The following CHL1 variants were observed in gnomAD, a reference collection of about 807,000 sequenced individuals.
CHL1 encodes the protein cell adhesion molecule L1 like, also known as neural cell adhesion molecule L1-like protein.
A neutral mutation model predicts 141.9 loss-of-function variants in CHL1; 96 were observed. That is an observed-to-expected ratio of 0.68 (90% CI 0.57 to 0.80). CHL1 has a LOEUF of 0.80. Among genes scored for constraint, CHL1 ranks in the 30% least tolerant of loss-of-function variants. CHL1 has a pLI of 0.00. For missense variants in CHL1, 1,820 were observed against 1,457.2 expected, an observed-to-expected ratio of 1.25 and a Z score of -4.05; for synonymous variants, 613 against 502.2, an observed-to-expected ratio of 1.22 and a Z score of -2.95.
At chr3:382,980 T>C (rs768419400) in intron 18 of CHL1, among the ~76,000 whole-genome samples, 41 of 152,200 alleles carry the variant, frequency 2.7e-4, no homozygotes, top group Admixed American at 1.3e-4. Context: ...TAAAATTCAA[T>C]ATGTATGCAT....
At chr3:253,599 T>C (rs1693904051) in intron 2 of CHL1, among the ~76,000 whole-genome samples, 1 of 152,208 alleles carries the variant, frequency 6.6e-6, no homozygotes, top group Non-Finnish European at 1.5e-5. Flanking sequence ...TAATACAACA[T>C]CTTAAAGACA....
intron 24 of CHL1, 129 bp from the exon 25 acceptor site, chr3:398,098 G>A (rs1245538182): frequency 6.1e-6 from 3 of 495,754 alleles, no homozygotes; most frequent in Non-Finnish European, 1.0e-5. Flanking sequence ...TGATCTCCTG[G>A]TAATTCAAAA....
intron 2 of CHL1, among the ~76,000 whole-genome samples, chr3:246,391 A>G (rs905815372): frequency 6.6e-6 from 1 of 152,112 alleles, no homozygotes; most frequent in Middle Eastern, 3.4e-3. Flanking sequence ...CCTCTTGGTG[A>G]TTGATGAAAT....
intron 15 of CHL1, chr3:373,894 C>G (rs1375678053): frequency 6.6e-6 from 1 of 152,590 alleles, no homozygotes; most frequent in Non-Finnish European, 1.5e-5. Flanking sequence ...CACTGTTCTT[C>G]CCTCCTCTCC....
chr3:273,593 C>T (rs1387045543), intron 2 of CHL1, among the ~76,000 whole-genome samples: 1 of 152,048 alleles, frequency 6.6e-6, no homozygotes. Flanking sequence ...TTTCTATTCT[C>T]TCTCATTTTT....
At chr3:357,947 T>C (rs186014919) in intron 11 of CHL1, among the ~76,000 whole-genome samples, 29 of 152,324 alleles carry the variant, frequency 1.9e-4, no homozygotes, top group African/African-American at 7.0e-4. Flanking sequence ...AGAGACTCAG[T>C]GCTTTGCAGC....
At chr3:363,783 A>T (rs1286219200) in intron 14 of CHL1, 1 of 158,888 alleles carries the variant, frequency 6.3e-6, no homozygotes, top group African/African-American at 2.4e-5. Context: ...GAGGCATGAC[A>T]GAATGAGGAG....
In CHL1 at chr3:381,119, A is replaced by G. The variant is rs569975757; in HGVS notation, c.1877-1060A>G. 2.0e-5 allele frequency among the ~76,000 whole-genome samples: 3 copies of G among 152,276 alleles called. No homozygotes were observed. In the South Asian group the frequency reaches 6.2e-4, roughly 32 times the overall value. ...ATAGGGCCTAGGAATTTTCATTGTT[A>G]TTAACTACTCCTAAAAGAATTCTGA... On this transcript the variant is annotated intron_variant, in intron 16 of 27. Transcript: ENST00000256509.
chr3:254,476 G>A (rs1020456540), intron 2 of CHL1, among the ~76,000 whole-genome samples: 3 of 152,166 alleles, frequency 2.0e-5, no homozygotes, highest in African/African-American at 7.2e-5. Flanking sequence ...ATTTTCTAGG[G>A]TCTTAAAGAT....
At position 382,557 on chromosome 3, in the gene CHL1, G is replaced by A. The variant is rs1559338857; in HGVS notation, c.2062G>A (p.Val688Ile). ...CAGAGTCCAAGGAAAGAAAACCACA[G>A]TTATCTTACCTTTGGCTCCATTTGT... is the stretch of plus-strand genomic sequence containing the variant. Reference protein sequence around the residue: ...LTRVQGKKTTVILPLAPFVRY... With the variant: ...LTRVQGKKTTIILPLAPFVRY... The change falls in exon 18 of 28, where the codon GTT (valine) becomes ATT (isoleucine). Residue 688 changes from valine to isoleucine, a missense_variant. Val to Ile is a conservative substitution (Grantham distance 29). Transcript: ENST00000256509. The A allele has an allele frequency of 6.2e-7, 1 of 1,613,862 alleles. No homozygotes were observed. Among genetic ancestry groups the A allele is most frequent in the South Asian group, 1.1e-5 (1 of 91,080 alleles).
chr3:377,790 C>T (rs1196695308), intron 15 of CHL1, 28 bp from the exon 16 acceptor site: 1 of 1,573,034 alleles, frequency 6.4e-7, no homozygotes, highest in Non-Finnish European at 8.7e-7. Context: ...TTTTCCTTCT[C>T]ATCATGTACT....
chr3:325,829 TTC>T (rs1431051653), intron 3 of CHL1, 128 bp from the exon 4 acceptor site: 11 of 549,116 alleles, frequency 2.0e-5, no homozygotes, highest in Non-Finnish European at 3.2e-5. Flanking sequence ...GTGAGATTTA[TTC>T]TGATTTTCAC....
chr3:358,515 A>G (rs530074032), intron 11 of CHL1, among the ~76,000 whole-genome samples: 2 of 152,298 alleles, frequency 1.3e-5, no homozygotes, highest in South Asian at 2.1e-4. Context: ...GAACGTGTAC[A>G]TCTTTCAGGG....
intron 2 of CHL1, among the ~76,000 whole-genome samples, chr3:286,225 G>C (rs1203580859): frequency 6.6e-6 from 1 of 152,068 alleles, no homozygotes; most frequent in Admixed American, 6.6e-5. Flanking sequence ...TATTCGCAGG[G>C]GGTCCTGATC....
intron 1 of CHL1, among the ~76,000 whole-genome samples, chr3:201,823 A>G (rs1698972966): frequency 6.6e-6 from 1 of 152,168 alleles, no homozygotes; most frequent in Non-Finnish European, 1.5e-5. Flanking sequence ...TTGTGGAGGT[A>G]GGAGCTCTGT....
Position 362,666 on chromosome 3 carries a change from T to C in CHL1, c.1419-551T>C, listed in dbSNP as rs541070889. On this transcript the variant is annotated intron_variant, in intron 13 of 27. Transcript: ENST00000256509. Reference sequence around the variant, plus strand: ...TCAAGCAGTCGCTTATTGTCAAATGTACAGGGTAAATCAAGCTGTAGCAGC... The same window carrying C: ...TCAAGCAGTCGCTTATTGTCAAATGCACAGGGTAAATCAAGCTGTAGCAGC... 3.3e-5 allele frequency among the ~76,000 whole-genome samples: 5 copies of C among 151,876 alleles called. 1 individual carries two copies. The South Asian group carries it at 1.0e-3, about 32-fold the overall frequency.
chr3:395,152 A>G (rs547985769), intron 24 of CHL1, among the ~76,000 whole-genome samples: 3 of 152,268 alleles, frequency 2.0e-5, no homozygotes, highest in Non-Finnish European at 4.4e-5. Context: ...ACTTAATTAA[A>G]GTAGCAGGAC....
chr3:385,162 C>T (rs1707529927), intron 19 of CHL1, among the ~76,000 whole-genome samples: 2 of 151,976 alleles, frequency 1.3e-5, no homozygotes, highest in African/African-American at 4.8e-5. Context: ...TATTATCCTC[C>T]CTTAAGTTCC....
intron 2 of CHL1, among the ~76,000 whole-genome samples, chr3:297,892 C>T (rs1463497905): frequency 6.6e-6 from 1 of 152,222 alleles, no homozygotes; most frequent in Admixed American, 6.5e-5. Context: ...TCTGGGCCAT[C>T]TCAGTGGGCT....
Sources: allele counts gnomAD v4.1 joint callset (sites outside exome capture counted in the v4.1 genomes callset), GRCh38; gene constraint gnomAD v4.1.1; transcripts MANE v1.5; gene names NCBI Gene and HGNC (gene_info 2026-07-23, HGNC 2026-07-21).